Variants in PRKCE observed in about 807,000 individuals in gnomAD.
The protein encoded by PRKCE is protein kinase C epsilon.
A neutral mutation model predicts 85.4 loss-of-function variants in PRKCE; 16 were observed. The observed-to-expected ratio is 0.19, with a 90% confidence interval of 0.13 to 0.28. The LOEUF is 0.28. Ranked by LOEUF, PRKCE falls within the 10% of genes least tolerant of loss-of-function variation. The probability of loss-of-function intolerance (pLI) is 1.00; values close to 1 mark genes in which losing one functional copy is unlikely to be tolerated. For synonymous variants in PRKCE, 388 were observed against 371.5 expected (o/e 1.04, Z -0.51); for missense variants, 573 against 975.2 (o/e 0.59, Z 5.49).
chr2:45,830,769 A>G (rs1055379612), intron 1 of PRKCE, among the ~76,000 whole-genome samples: 1 of 152,256 alleles, frequency 6.6e-6, no homozygotes, highest in African/African-American at 2.4e-5. Flanking sequence ...ATCAGAGTCC[A>G]TTGACAATAT....
chr2:45,853,211 T>C (rs1692417014), intron 2 of PRKCE, among the ~76,000 whole-genome samples: 1 of 152,188 alleles, frequency 6.6e-6, no homozygotes, highest in African/African-American at 2.4e-5. Context: ...TCAGTGTTGT[T>C]AGAGAGCTGG....
At chr2:46,089,907 C>T (rs1298828614) in intron 11 of PRKCE, among the ~76,000 whole-genome samples, 2 of 152,110 alleles carry the variant, frequency 1.3e-5, no homozygotes, top group South Asian at 2.1e-4. Flanking sequence ...GAGACTTTGC[C>T]CCCATTGTCC....
intron 1 of PRKCE, among the ~76,000 whole-genome samples, chr2:45,811,734 G>A (rs1688665696): frequency 2.0e-5 from 3 of 152,162 alleles, no homozygotes; most frequent in Admixed American, 1.3e-4. Flanking sequence ...GGAGAAACTG[G>A]AACCCTAGAA....
chr2:46,098,820 G>C (rs1179244236), intron 11 of PRKCE, among the ~76,000 whole-genome samples: 1 of 152,046 alleles, frequency 6.6e-6, no homozygotes, highest in African/African-American at 2.4e-5. Context: ...CAGCAAACAA[G>C]TGGCAGCTTT....
chr2:45,901,028 G>C (rs2103715001), intron 2 of PRKCE, among the ~76,000 whole-genome samples: 1 of 152,354 alleles, frequency 6.6e-6, no homozygotes, highest in Non-Finnish European at 1.5e-5. Context: ...ATGTGGGATG[G>C]AGATGCTTTC....
At chr2:46,116,072 G>A (rs1241923850) in intron 11 of PRKCE, among the ~76,000 whole-genome samples, 5 of 152,168 alleles carry the variant, frequency 3.3e-5, no homozygotes, top group Non-Finnish European at 7.4e-5. Flanking sequence ...TTTGGAGTGT[G>A]GGTACAGATG....
At chr2:45,748,234 C>T (rs1462558325) in intron 1 of PRKCE, among the ~76,000 whole-genome samples, 2 of 152,156 alleles carry the variant, frequency 1.3e-5, no homozygotes, top group Non-Finnish European at 2.9e-5. Flanking sequence ...CGCACAACTA[C>T]CCTGTAAGAT....
chr2:46,130,207 C>T (rs1300066765), intron 11 of PRKCE, among the ~76,000 whole-genome samples: 1 of 151,974 alleles, frequency 6.6e-6, no homozygotes, highest in African/African-American at 2.4e-5. Flanking sequence ...ACAAATAACA[C>T]AAAGTATAAT....
chr2:45,983,406 G>A (rs905135929), intron 5 of PRKCE, among the ~76,000 whole-genome samples: 10 of 152,282 alleles, frequency 6.6e-5, no homozygotes, highest in Non-Finnish European at 8.8e-5. Context: ...TGGATGTCCT[G>A]GGTGATGGTC....
intron 1 of PRKCE, among the ~76,000 whole-genome samples, chr2:45,682,627 C>T (rs1321796733): frequency 6.6e-6 from 1 of 151,478 alleles, no homozygotes; most frequent in Non-Finnish European, 1.5e-5. Flanking sequence ...ACTCTTGTTG[C>T]CCAGGCTGGA....
chr2:46,125,471 G>A (rs957976720), intron 11 of PRKCE, among the ~76,000 whole-genome samples: 13 of 152,116 alleles, frequency 8.5e-5, no homozygotes, highest in Non-Finnish European at 1.6e-4. Flanking sequence ...TTCTCAAGTC[G>A]GTATATTGGA....
intron 2 of PRKCE, among the ~76,000 whole-genome samples, chr2:45,909,151 T>C (rs1697196918): frequency 6.6e-6 from 1 of 152,248 alleles, no homozygotes; most frequent in Admixed American, 6.5e-5. Flanking sequence ...CATTTATTAG[T>C]AATAGTACCA....
chr2:45,820,759 G>A (rs1336636475), intron 1 of PRKCE, among the ~76,000 whole-genome samples: 1 of 152,082 alleles, frequency 6.6e-6, no homozygotes, highest in Non-Finnish European at 1.5e-5. Flanking sequence ...TCTGTTTGGT[G>A]CATGGTTGTT....
intron 1 of PRKCE, among the ~76,000 whole-genome samples, chr2:45,760,835 G>A (rs994767160): frequency 6.6e-6 from 1 of 152,118 alleles, no homozygotes; most frequent in South Asian, 2.1e-4. Context: ...TATCGGATTT[G>A]GTGCTGAGTG....
At chr2:45,987,281 A>G (rs1703406367) in intron 6 of PRKCE, among the ~76,000 whole-genome samples, 1 of 152,124 alleles carries the variant, frequency 6.6e-6, no homozygotes, top group Non-Finnish European at 1.5e-5. Flanking sequence ...GAGCAAGGGT[A>G]TCTGTCCATG....
intron 2 of PRKCE, among the ~76,000 whole-genome samples, chr2:45,953,517 G>A (rs376277527): frequency 3.9e-5 from 6 of 152,078 alleles, no homozygotes; most frequent in South Asian, 2.1e-4. Flanking sequence ...ATACCCAACC[G>A]TGGGCTGTGC....
chr2:46,100,481 C>T (rs964929641), intron 11 of PRKCE, among the ~76,000 whole-genome samples: 1 of 152,188 alleles, frequency 6.6e-6, no homozygotes, highest in Non-Finnish European at 1.5e-5. Flanking sequence ...AACTGCTGGC[C>T]GAGGAGCAGG....
intron 14 of PRKCE, among the ~76,000 whole-genome samples, chr2:46,161,645 G>A (rs1441437677): frequency 3.3e-5 from 5 of 152,162 alleles, no homozygotes; most frequent in East Asian, 3.9e-4. Context: ...GGAGAGAGAG[G>A]GTCTGGGGTG....
chr2:45,962,672 G>A (rs1010464269), intron 2 of PRKCE, among the ~76,000 whole-genome samples: 4 of 152,188 alleles, frequency 2.6e-5, no homozygotes, highest in Non-Finnish European at 5.9e-5. Context: ...AGCTCCGGGG[G>A]AGAGAGGAGT....
Sources: gnomAD v4.1 joint callset for allele counts (sites outside exome capture counted in the v4.1 genomes callset) on GRCh38, gnomAD v4.1.1 for gene constraint, MANE v1.5 for transcripts, NCBI Gene and HGNC (gene_info 2026-07-23, HGNC 2026-07-21) for gene names.